Variants in NOL10 observed in about 807,000 individuals in gnomAD.
The protein encoded by NOL10 is nucleolar protein 10, also known as H_NH0074G24.1.
A neutral mutation model predicts 103.5 loss-of-function variants in NOL10; 58 were observed. The observed-to-expected ratio is 0.56, with a 90% CI of 0.45 to 0.70. The LOEUF (loss-of-function observed/expected upper bound fraction) is 0.70, where lower values mean the gene tolerates loss of function less well. Among genes scored for constraint, NOL10 ranks in the 30% least tolerant of loss-of-function variants. The pLI is 0.00. For synonymous variants in NOL10, 287 were observed against 282.5 expected, an observed-to-expected ratio of 1.02 and a Z score of -0.16; for missense variants, 763 against 807.3, an observed-to-expected ratio of 0.95 and a Z score of 0.67.
intron 17 of NOL10, among the ~76,000 whole-genome samples, chr2:10,599,065 G>A (rs1675842787): frequency 7.5e-6 from 1 of 133,446 alleles, no homozygotes; most frequent in Non-Finnish European, 1.6e-5. Context: ...CTCAACCTCA[G>A]CAAAGGTCTA....
chr2:10,651,119 T>C (rs1679425048), intron 12 of NOL10, among the ~76,000 whole-genome samples: 1 of 151,890 alleles, frequency 6.6e-6, no homozygotes, highest in South Asian at 2.1e-4. Context: ...CCCACAAGAG[T>C]CCACCCTCCA....
At chr2:10,634,811 A>G (rs1678093069) in intron 13 of NOL10, among the ~76,000 whole-genome samples, 1 of 152,156 alleles carries the variant, frequency 6.6e-6, no homozygotes, top group South Asian at 2.1e-4. Context: ...ATCCCAGGAG[A>G]ATGTGGCCTT....
intron 8 of NOL10, among the ~76,000 whole-genome samples, chr2:10,664,280 T>G (rs926447424): frequency 1.3e-4 from 20 of 151,926 alleles, no homozygotes; most frequent in African/African-American, 4.1e-4. Flanking sequence ...AATACAAAAT[T>G]AGCTGGGCAT....
intron 19 of NOL10, among the ~76,000 whole-genome samples, chr2:10,587,069 A>T (rs1281722657): frequency 8.3e-4 from 22 of 26,560 alleles, no homozygotes; most frequent in Middle Eastern, 0.014. Context: ...ATATATATAC[A>T]TATATATACA....
intron 4 of NOL10, among the ~76,000 whole-genome samples, chr2:10,673,859 TAA>T (rs1242237275): frequency 2.0e-5 from 3 of 152,134 alleles, no homozygotes; most frequent in African/African-American, 7.2e-5. Context: ...AAAATAATTT[TAA>T]AGACTTTCAA....
At chr2:10,600,049 C>A (rs566476136) in intron 17 of NOL10, among the ~76,000 whole-genome samples, 129 of 152,194 alleles carry the variant, frequency 8.5e-4, no homozygotes, top group African/African-American at 3.0e-3. Context: ...CACAGCTGGC[C>A]CAAAACTACA....
At chr2:10,653,066 C>T (rs574917937) in intron 12 of NOL10, among the ~76,000 whole-genome samples, 1 of 152,072 alleles carries the variant, frequency 6.6e-6, no homozygotes, top group Non-Finnish European at 1.5e-5. Flanking sequence ...CGTGGTGGTG[C>T]GTGCCTGTAG....
chr2:10,671,475 G>T, intron 6 of NOL10, 79 bp downstream of exon 6: 1 of 1,165,524 alleles, frequency 8.6e-7, no homozygotes, highest in Non-Finnish European at 1.1e-6. Context: ...CCTAAACAGA[G>T]AAAATGTACA....
intron 13 of NOL10, among the ~76,000 whole-genome samples, chr2:10,623,988 T>C (rs908031863): frequency 5.9e-5 from 9 of 152,152 alleles, no homozygotes; most frequent in Admixed American, 6.5e-5. Flanking sequence ...CAGCTGTTGT[T>C]TGGGGACTTC....
At chr2:10,638,389 T>C (rs1244858967) in intron 13 of NOL10, among the ~76,000 whole-genome samples, 2 of 97,816 alleles carry the variant, frequency 2.0e-5, no homozygotes, top group Non-Finnish European at 4.0e-5. Context: ...TCTTGAAAGC[T>C]GGGTGCAGTA....
intron 3 of NOL10, among the ~76,000 whole-genome samples, chr2:10,677,976 C>CAA (rs1681445652): frequency 6.6e-6 from 1 of 150,500 alleles, no homozygotes; most frequent in Non-Finnish European, 1.5e-5. Context: ...CACACACACA[C>CAA]ACACATAATT....
At chr2:10,624,253 T>C (rs1677321906) in intron 13 of NOL10, among the ~76,000 whole-genome samples, 1 of 150,636 alleles carries the variant, frequency 6.6e-6, no homozygotes. Context: ...AGGACAATAG[T>C]GGAGGGAAGG....
chr2:10,678,526 G>A (rs774258538), intron 3 of NOL10, among the ~76,000 whole-genome samples: 10 of 151,814 alleles, frequency 6.6e-5, no homozygotes, highest in Non-Finnish European at 1.2e-4. Context: ...GTTTGAATCT[G>A]GCATGATCAT....
At chr2:10,670,336 T>C (rs1680844669) in intron 6 of NOL10, among the ~76,000 whole-genome samples, 1 of 152,220 alleles carries the variant, frequency 6.6e-6, no homozygotes, top group African/African-American at 2.4e-5. Flanking sequence ...GATATTTCTA[T>C]TGAAATTGTA....
intron 10 of NOL10, among the ~76,000 whole-genome samples, 159 bp from the exon 11 acceptor site, chr2:10,658,050 A>T (rs534415032): frequency 1.3e-5 from 2 of 152,366 alleles, no homozygotes; most frequent in South Asian, 4.1e-4. Flanking sequence ...CTTTCCAGAA[A>T]GATCTCTTAA....
chr2:10,667,359 T>C (rs1277591073), intron 7 of NOL10, 81 bp from the exon 8 acceptor site: 4 of 996,502 alleles, frequency 4.0e-6, no homozygotes, highest in South Asian at 1.4e-5. Flanking sequence ...AAATAAACAG[T>C]CAACCCAAAT....
At chr2:10,624,633 C>T (rs978935659) in intron 13 of NOL10, among the ~76,000 whole-genome samples, 11 of 150,524 alleles carry the variant, frequency 7.3e-5, no homozygotes, top group Non-Finnish European at 1.0e-4. Context: ...GAGCCATCAT[C>T]GAAAATAATA....
At chr2:10,577,405 C>A (rs1674509305) in intron 20 of NOL10, among the ~76,000 whole-genome samples, 1 of 152,230 alleles carries the variant, frequency 6.6e-6, no homozygotes, top group Admixed American at 6.5e-5. Flanking sequence ...GGGCCACTAA[C>A]TCCCTGTCTC....
At chr2:10,634,622 C>T (rs1678074794) in intron 13 of NOL10, 1 of 456,302 alleles carries the variant, frequency 2.2e-6, no homozygotes, top group Non-Finnish European at 4.4e-6. Context: ...TTATATAAAG[C>T]CTAGGCATAA....
Sources: allele counts gnomAD v4.1 joint callset (sites outside exome capture counted in the v4.1 genomes callset), GRCh38; gene constraint gnomAD v4.1.1; transcripts MANE v1.5; gene names NCBI Gene and HGNC (gene_info 2026-07-23, HGNC 2026-07-21).